The following NRG1 variants were observed in gnomAD, a reference collection of about 807,000 sequenced individuals.
The protein encoded by NRG1 is pro-neuregulin-1, membrane-bound isoform.
NRG1 carries 18 observed loss-of-function variants against 63.8 expected under a neutral mutation model. The observed-to-expected ratio is 0.28, with a 90% confidence interval of 0.19 to 0.42. The LOEUF (loss-of-function observed/expected upper bound fraction) is 0.42, where lower values mean the gene tolerates loss of function less well. Among genes scored for constraint, NRG1 ranks in the 10% least tolerant of loss-of-function variants. The pLI, the probability that NRG1 is intolerant of heterozygous loss-of-function variation, is 1.00. For missense variants in NRG1, 762 were observed against 814.7 expected (o/e 0.94, Z 0.79); for synonymous variants, 302 against 301.3 (o/e 1.00, Z -0.02).
At chr8:32,651,833 T>C (rs1401641084) in intron 5 of NRG1, among the ~76,000 whole-genome samples, 1 of 152,278 alleles carries the variant, frequency 6.6e-6, no homozygotes, top group South Asian at 2.1e-4. Flanking sequence ...TTGGTAACTA[T>C]GTTTGTAGGT....
chr8:31,679,789 T>C (rs191012379), intron 1 of NRG1, among the ~76,000 whole-genome samples: 77 of 152,248 alleles, frequency 5.1e-4, no homozygotes, highest in African/African-American at 1.7e-3. Context: ...TCTTAGAGGA[T>C]ATTTTGTCTG....
intron 1 of NRG1, among the ~76,000 whole-genome samples, chr8:32,221,691 A>G (rs981630256): frequency 6.6e-6 from 1 of 151,944 alleles, no homozygotes; most frequent in African/African-American, 2.4e-5. Context: ...GCATATATTG[A>G]TTGGGTACTG....
intron 1 of NRG1, among the ~76,000 whole-genome samples, chr8:32,316,016 A>G (rs1309834266): frequency 1.4e-5 from 2 of 146,518 alleles, no homozygotes; most frequent in Non-Finnish European, 2.9e-5. Flanking sequence ...CGATTAACCT[A>G]CTTGAAGATG....
At chr8:32,446,974 T>A (rs1820324984) in intron 1 of NRG1, among the ~76,000 whole-genome samples, 1 of 151,564 alleles carries the variant, frequency 6.6e-6, no homozygotes, top group Non-Finnish European at 1.5e-5. Context: ...CCAAGGACAT[T>A]TAGCGCTCAG....
intron 1 of NRG1, among the ~76,000 whole-genome samples, chr8:32,002,609 C>T (rs910948560): frequency 1.3e-5 from 2 of 151,896 alleles, no homozygotes; most frequent in African/African-American, 4.8e-5. Flanking sequence ...CAACATTAGG[C>T]AACCAGTTCT....
intron 1 of NRG1, among the ~76,000 whole-genome samples, chr8:31,687,217 C>A (rs1424625457): frequency 2.0e-5 from 3 of 151,966 alleles, no homozygotes; most frequent in Non-Finnish European, 4.4e-5. Context: ...AAAAGATGCC[C>A]CTTAGGGAGG....
At chr8:32,316,820 A>G (rs929997263) in intron 1 of NRG1, among the ~76,000 whole-genome samples, 2 of 151,800 alleles carry the variant, frequency 1.3e-5, no homozygotes, top group Non-Finnish European at 2.9e-5. Context: ...ATAAAATAAA[A>G]TAAAATAAAA....
intron 1 of NRG1, among the ~76,000 whole-genome samples, chr8:31,648,538 C>G (rs541477862): frequency 6.6e-6 from 1 of 152,292 alleles, no homozygotes; most frequent in African/African-American, 2.4e-5. Context: ...AACCAAGACT[C>G]TATACCAATT....
At chr8:32,648,846 C>G (rs948504597) in intron 5 of NRG1, among the ~76,000 whole-genome samples, 8 of 152,198 alleles carry the variant, frequency 5.3e-5, no homozygotes, top group African/African-American at 1.2e-4. Context: ...CCCAAGCTGC[C>G]TGTTGTCTCT....
intron 1 of NRG1, among the ~76,000 whole-genome samples, chr8:31,756,506 T>C (rs1176987969): frequency 2.6e-5 from 4 of 152,082 alleles, no homozygotes; most frequent in Non-Finnish European, 5.9e-5. Flanking sequence ...TGTCTGCCCA[T>C]CATGGAAAGC....
At chr8:32,232,584 G>T (rs1048714778) in intron 1 of NRG1, among the ~76,000 whole-genome samples, 3 of 152,080 alleles carry the variant, frequency 2.0e-5, no homozygotes, top group Non-Finnish European at 4.4e-5. Context: ...AGGGAAAGGG[G>T]GAAAATGGCC....
intron 1 of NRG1, among the ~76,000 whole-genome samples, chr8:32,203,736 G>T (rs778760638): frequency 4.6e-5 from 7 of 152,112 alleles, no homozygotes; most frequent in Non-Finnish European, 1.0e-4. Context: ...TGGGCCAAGT[G>T]CATTTCTATG....
At chr8:31,654,072 A>G (rs921000629) in intron 1 of NRG1, among the ~76,000 whole-genome samples, 36 of 152,134 alleles carry the variant, frequency 2.4e-4, no homozygotes, top group African/African-American at 8.7e-4. Flanking sequence ...TAATTTGGCC[A>G]CCATTTTTAA....
intron 8 of NRG1, among the ~76,000 whole-genome samples, 164 bp downstream of exon 8, chr8:32,754,638 T>C (rs1485923535): frequency 6.6e-6 from 1 of 151,968 alleles, no homozygotes; most frequent in Non-Finnish European, 1.5e-5. Context: ...TGAGGATGTC[T>C]CCTAAACACA....
chr8:32,725,959 TGAA>T (rs1419182040), intron 5 of NRG1, among the ~76,000 whole-genome samples: 2 of 152,306 alleles, frequency 1.3e-5, no homozygotes, highest in African/African-American at 4.8e-5. Context: ...CTCTTCTTAA[TGAA>T]GATGTTAAAG....
At chr8:31,839,215 G>T (rs1786812872) in intron 1 of NRG1, among the ~76,000 whole-genome samples, 1 of 151,972 alleles carries the variant, frequency 6.6e-6, no homozygotes, top group African/African-American at 2.4e-5. Flanking sequence ...TCCCATTCTT[G>T]TTCACTATTC....
At chr8:31,700,916 G>T (rs1417548008) in intron 1 of NRG1, among the ~76,000 whole-genome samples, 1 of 152,144 alleles carries the variant, frequency 6.6e-6, no homozygotes, top group Admixed American at 6.5e-5. Context: ...TAGAATGAGG[G>T]ACATTTGCTA....
At chr8:32,464,119 C>A (rs1203613992) in intron 1 of NRG1, among the ~76,000 whole-genome samples, 1 of 151,670 alleles carries the variant, frequency 6.6e-6, no homozygotes, top group Non-Finnish European at 1.5e-5. Context: ...TGGTCTCGAT[C>A]TCCTGACCTC....
chr8:32,560,665 C>G (rs746453497), intron 1 of NRG1, among the ~76,000 whole-genome samples: 1 of 152,138 alleles, frequency 6.6e-6, no homozygotes, highest in South Asian at 2.1e-4. Flanking sequence ...GAAATTTGCA[C>G]TGTTTATTTT....
Sources: allele counts gnomAD v4.1 joint callset (sites outside exome capture counted in the v4.1 genomes callset), GRCh38; gene constraint gnomAD v4.1.1; transcripts MANE v1.5; gene names NCBI Gene and HGNC (gene_info 2026-07-23, HGNC 2026-07-21).